The following RNF135 variants were observed in gnomAD, a reference collection of about 807,000 sequenced individuals.
RNF135 encodes ring finger protein 135.
RNF135 carries 46 observed loss-of-function variants against 41.9 expected under a neutral mutation model. That is an observed-to-expected ratio of 1.10 (90% CI 0.87 to 1.40). The LOEUF (loss-of-function observed/expected upper bound fraction) is 1.40, where lower values mean the gene tolerates loss of function less well. Ranked by LOEUF, RNF135 falls within the 40% of genes most tolerant of loss-of-function variation. The pLI, the probability that RNF135 is intolerant of heterozygous loss-of-function variation, is 0.00. For synonymous variants in RNF135, 238 were observed against 223.8 expected (o/e 1.06, Z -0.57); for missense variants, 539 against 549.8 (o/e 0.98, Z 0.20).
At position 30,999,143 on chromosome 17, in the gene RNF135, T is replaced by C. The variant is rs1281911457; in HGVS notation, c.1251T>C (p.Tyr417=). The part of the protein sequence containing the change: ...SSPLYPAFWL[Y]GLHPGNYLII... ...CTTTGTACCCTGCCTTCTGGCTGTA[T>C]GGCTTACATCCTGGAAATTACCTGA... The change falls in exon 5 of 5, where the codon TAT becomes TAC. Residue 417 remains tyrosine (Y), a synonymous_variant. Coordinates refer to ENST00000328381, the MANE Select transcript of RNF135 (RefSeq NM_032322.4). 2 of 1,614,066 alleles carry C rather than the reference T, an allele frequency of 1.2e-6. No homozygotes were observed. The highest frequency in any genetic ancestry group is 2.2e-5 in the East Asian group (1 of 44,900).
At chr17:30,977,684 G>A (rs949837184) in intron 1 of RNF135, among the ~76,000 whole-genome samples, 8 of 151,442 alleles carry the variant, frequency 5.3e-5, no homozygotes, top group Non-Finnish European at 8.8e-5. Flanking sequence ...TTCTCCTGCC[G>A]CAGCCTCTGG....
At chr17:30,988,142 A>G (rs755810602) in intron 3 of RNF135, 36 bp downstream of exon 3, 13 of 1,606,014 alleles carry the variant, frequency 8.1e-6, no homozygotes, top group Admixed American at 1.7e-5. Context: ...AGGATTAAAT[A>G]TGGAAGTTGG....
upstream of RNF135, among the ~76,000 whole-genome samples, chr17:30,966,099 G>GGAGGA (rs1158526340): frequency 6.6e-6 from 1 of 152,156 alleles, no homozygotes; most frequent in African/African-American, 2.4e-5. Context: ...CCTTTCAATG[G>GGAGGA]TTTTACAAAG....
At chr17:30,983,348 TATA>T (rs1248362654) in intron 1 of RNF135, among the ~76,000 whole-genome samples, 22 of 37,754 alleles carry the variant, frequency 5.8e-4, no homozygotes, top group African/African-American at 1.9e-3. Context: ...TATATATATA[TATA>T]TATTTTTTTT....
At chr17:30,960,799 G>T in the RNF135 span, among the ~76,000 whole-genome samples, 10 of 149,520 alleles carry the variant, frequency 6.7e-5, no homozygotes, top group Admixed American at 2.0e-4. Flanking sequence ...GAGTGCAGTG[G>T]CGCAATCTCG....
the RNF135 span, among the ~76,000 whole-genome samples, chr17:30,961,694 C>T: frequency 1.3e-5 from 2 of 152,178 alleles, no homozygotes; most frequent in East Asian, 3.9e-4. Flanking sequence ...AAACTCCCGA[C>T]CTCAGGTGAT....
intron 1 of RNF135, chr17:30,975,977 A>G (rs777141306): frequency 5.2e-6 from 2 of 386,362 alleles, no homozygotes; most frequent in Admixed American, 3.7e-5. Context: ...AAAAAGTCAC[A>G]TGTAAAAAAA....
In RNF135 at chr17:30,971,072, C is replaced by T. The variant is rs1905860675; in HGVS notation, c.-2C>T. The stretch of plus-strand genomic sequence containing the variant: ...CGTCCGCGCCCCGGCCGCCTGTTGG[C>T]CATGGCGGGCCTGGGCCTGGGCTCC... On this transcript the variant is annotated 5_prime_UTR_variant, in exon 1 of 5. Coordinates refer to ENST00000328381, the MANE Select transcript of RNF135 (RefSeq NM_032322.4). 2 of 1,534,170 alleles carry T rather than the reference C, an allele frequency of 1.3e-6. No homozygotes were observed. Among genetic ancestry groups the T allele is most frequent in the Non-Finnish European group, 1.7e-6 (2 of 1,146,032 alleles).
chr17:30,998,217 G>A (rs939396184), intron 4 of RNF135, among the ~76,000 whole-genome samples: 3 of 152,110 alleles, frequency 2.0e-5, no homozygotes, highest in African/African-American at 7.2e-5. Context: ...GGCTGAAGGA[G>A]CTGGCCTGAT....
intron 3 of RNF135, among the ~76,000 whole-genome samples, chr17:30,988,456 C>CT (rs1485148802): frequency 2.0e-5 from 2 of 100,360 alleles, no homozygotes; most frequent in African/African-American, 8.0e-5. Flanking sequence ...GTGATGGAGT[C>CT]TCACTCTGTC....
At position 30,983,332 on chromosome 17, in the gene RNF135, TATATATATATATATATATA is replaced by T. The variant is rs1567743099; in HGVS notation, c.373-1284_373-1266del. On this transcript the variant is annotated intron_variant, in intron 1 of 4. Coordinates refer to ENST00000328381, the MANE Select transcript of RNF135 (RefSeq NM_032322.4). ...TTACATATATGTACATATATATATATATATATATATATATATATATATTTTTTTTTTTTTTTTTTGAGAT... is the reference window on the plus strand; with the variant it reads ...TTACATATATGTACATATATATATATTATTTTTTTTTTTTTTTTTTGAGAT... Among the ~76,000 whole-genome samples the T allele has an allele frequency of 2.5e-3, 86 of 34,558 alleles. 3 individuals are homozygous for T. The highest frequency in any genetic ancestry group is 0.011 in the Middle Eastern group (1 of 94). The allele number at this position is 34,558 out of a possible 152,430, so 22.7% of individuals were successfully genotyped here.
intron 4 of RNF135, 141 bp downstream of exon 4, chr17:30,997,472 G>T (rs533434178): frequency 1.3e-6 from 1 of 765,294 alleles, no homozygotes; most frequent in South Asian, 1.5e-5. Flanking sequence ...TCCACGGGGG[G>T]AGCTGATTGC....
At chr17:30,996,088 C>CTTTTT (rs914464333) in intron 3 of RNF135, among the ~76,000 whole-genome samples, 1 of 112,842 alleles carries the variant, frequency 8.9e-6, no homozygotes, top group Non-Finnish European at 1.8e-5. Context: ...GAATTCATTA[C>CTTTTT]TTTTTTTTTT....
the RNF135 span, among the ~76,000 whole-genome samples, chr17:30,962,181 G>C: frequency 2.7e-5 from 4 of 150,910 alleles, no homozygotes; most frequent in African/African-American, 9.8e-5. Context: ...TCGCCAGGCT[G>C]GAGTGCAGTA....
chr17:30,997,253 G>A lies in RNF135; in HGVS notation c.691G>A (p.Glu231Lys). 1 of 1,613,944 alleles carries A rather than the reference G, an allele frequency of 6.2e-7. No homozygotes were observed. The highest frequency in any genetic ancestry group is 8.5e-7 in the Non-Finnish European group (1 of 1,179,878). The part of the protein sequence containing the change: ...PEAQMQGELL[E>K]APSSSSCPLP... ...TTTTTGTTACTTAGGAGAACTCCTG[G>A]AAGCCCCGTCTTCCTCCTCATGCCC... Residue 231 changes from glutamate (E) to lysine (K), a missense_variant, in exon 4 of 5, where the codon GAA becomes AAA. Glu to Lys is a moderately conservative substitution (Grantham distance 56). Coordinates refer to ENST00000328381, the MANE Select transcript of RNF135 (RefSeq NM_032322.4).
rs776140039 is a variant in RNF135, at chr17:30,984,767, T to C, written c.516+7T>C. 3.1e-6 allele frequency: 5 copies of C among 1,613,880 alleles called. No homozygotes were observed. In the Admixed American group the frequency reaches 6.7e-5, roughly 22 times the overall value. On this transcript the variant is annotated splice_region_variant and intron_variant, in intron 2 of 4. Transcript: ENST00000328381. The stretch of plus-strand genomic sequence containing the variant: ...ACTGAGCATCCTGGGCAAGGTAGGC[T>C]CCACTGGGAGAGGAAAGGATGTGGA...
chr17:30,995,495 C>G (rs974552524), intron 3 of RNF135, among the ~76,000 whole-genome samples: 3 of 152,020 alleles, frequency 2.0e-5, no homozygotes, highest in Non-Finnish European at 4.4e-5. Context: ...AGCCTCCTAA[C>G]TAGCTGGGAC....
Position 30,971,444 on chromosome 17 carries a change from G to T in RNF135, c.371G>T (p.Arg124Leu). 2 of 1,502,242 alleles carry T rather than the reference G, an allele frequency of 1.3e-6. No individual in the cohort carries two copies. Among genetic ancestry groups the T allele is most frequent in the Non-Finnish European group, 1.8e-6 (2 of 1,134,210 alleles). 93.1% of individuals were successfully genotyped at this position (1,502,242 alleles called of 1,614,324 possible). ...CCCCGGCGCCGCCCGGAACTGCAGC[G>T]GGTAGGGAGGCCGGGCCCGCAGCTC... ...ARPRRRPELQRVAVEKSITEV... is the reference protein window; with the variant it reads ...ARPRRRPELQLVAVEKSITEV... Residue 124 changes from arginine to leucine, a missense_variant and splice_region_variant, in exon 1 of 5, where the codon CGG becomes CTG. Arg to Leu is a moderately radical substitution (Grantham distance 102). This residue lies in a region of RNF135 where 277 missense variants were observed against 212.8 expected (regional missense o/e 1.30). Transcript: ENST00000328381.
chr17:30,982,412 T>C (rs1444713373), intron 1 of RNF135, among the ~76,000 whole-genome samples: 1 of 152,180 alleles, frequency 6.6e-6, no homozygotes, highest in Non-Finnish European at 1.5e-5. Context: ...AGGCAAAGTC[T>C]TTCTATTCTC....
Sources: allele counts gnomAD v4.1 joint callset (sites outside exome capture counted in the v4.1 genomes callset), GRCh38; gene constraint gnomAD v4.1.1; regional missense constraint gnomAD v4.1.1; transcripts MANE v1.5; gene names NCBI Gene and HGNC (gene_info 2026-07-23, HGNC 2026-07-21).